Variants in SH2B2 observed in about 807,000 individuals in gnomAD.
SH2B2 encodes SH2B adaptor protein 2.
In SH2B2, 37 loss-of-function variants were observed where a neutral mutation model predicts 35.7. The ratio of observed to expected loss-of-function variants is 1.04; its 90% CI spans 0.80 to 1.36. SH2B2 has a LOEUF of 1.36. Ranked by LOEUF, SH2B2 falls within the 40% of genes most tolerant of loss-of-function variation. The pLI, the probability that SH2B2 is intolerant of heterozygous loss-of-function variation, is 0.00. For synonymous variants in SH2B2, 383 were observed against 376.4 expected (o/e 1.02, Z -0.20); for missense variants, 852 against 817.7 (o/e 1.04, Z -0.51).
At chr7:102,314,208 G>A (rs1793729274) in intron 4 of SH2B2, 128 bp from the exon 5 acceptor site, 2 of 397,612 alleles carry the variant, frequency 5.0e-6, no homozygotes, top group Admixed American at 4.4e-5. Flanking sequence ...GCAGAGGGAG[G>A]TGACCAGAGC....
chr7:102,313,935 G>T lies in SH2B2; in HGVS notation c.924-401G>T, dbSNP rs937654511. ...CAAAAAAAAAAAAAGAATATTTTTAGGTTTTATGACTACGTTTTGGGAAAA... is the reference window on the plus strand; with the variant it reads ...CAAAAAAAAAAAAAGAATATTTTTATGTTTTATGACTACGTTTTGGGAAAA... On this transcript the variant is annotated intron_variant, in intron 4 of 8. Transcript: ENST00000444095. Among the ~76,000 whole-genome samples the T allele has an allele frequency of 3.3e-5, 5 of 152,174 alleles. No homozygotes were observed. The South Asian group carries it at 1.0e-3, about 32-fold the overall frequency.
intron 1 of SH2B2, among the ~76,000 whole-genome samples, chr7:102,288,199 G>C (rs1464461774): frequency 6.6e-6 from 1 of 152,038 alleles, no homozygotes; most frequent in Non-Finnish European, 1.5e-5. Context: ...CCCCACTACT[G>C]TGTCCCACCT....
At chr7:102,315,576 T>C (rs781810014) in intron 6 of SH2B2, among the ~76,000 whole-genome samples, 1 of 151,600 alleles carries the variant, frequency 6.6e-6, no homozygotes, top group Admixed American at 6.6e-5. Context: ...GCTGGAATTA[T>C]AGGTGTGAGC....
chr7:102,320,253 T>C, intron 7 of SH2B2, 78 bp from the exon 8 acceptor site: 1 of 1,242,440 alleles, frequency 8.0e-7, no homozygotes, highest in Non-Finnish European at 1.2e-6. Context: ...GCCTTGGTCC[T>C]TCCATCAACC....
intron 1 of SH2B2, among the ~76,000 whole-genome samples, chr7:102,294,563 G>A (rs1347801891): frequency 2.0e-4 from 31 of 152,322 alleles, no homozygotes; most frequent in Admixed American, 1.8e-3. Flanking sequence ...AGTGTGGTCA[G>A]TGTCACTCAC....
At chr7:102,295,131 G>A (rs1554552345) in intron 1 of SH2B2, among the ~76,000 whole-genome samples, 1 of 152,172 alleles carries the variant, frequency 6.6e-6, no homozygotes, top group East Asian at 1.9e-4. Flanking sequence ...GGTTCCTCCA[G>A]CCAGGAGGAA....
intron 1 of SH2B2, among the ~76,000 whole-genome samples, chr7:102,292,656 G>T (rs1188621328): frequency 0.85 from 129,969 of 152,092 alleles, 55,564 homozygotes; most frequent in East Asian, 0.93. Flanking sequence ...TATGTTCAAA[G>T]TGCAGTGCAC....
At chr7:102,315,589 C>T (rs530329103) in intron 6 of SH2B2, among the ~76,000 whole-genome samples, 1 of 151,764 alleles carries the variant, frequency 6.6e-6, no homozygotes, top group Admixed American at 6.6e-5. Flanking sequence ...GTGTGAGCCA[C>T]CACGCCTGGC....
In SH2B2 at chr7:102,320,410, G is replaced by C; in HGVS notation, c.1475G>C (p.Arg492Pro). 2 of 1,613,490 alleles carry C rather than the reference G, an allele frequency of 1.2e-6. No homozygotes were observed. The highest frequency in any genetic ancestry group is 1.7e-6 in the Non-Finnish European group (2 of 1,179,850). The change falls in exon 8 of 9, where the codon CGC becomes CCC. Residue 492 changes from arginine (R) to proline (P), a missense_variant. Physicochemically the swap from Arg to Pro is moderately radical, Grantham distance 103. Coordinates refer to ENST00000444095, the MANE Select transcript of SH2B2 (RefSeq NM_001359228.2). ...LWFQSVLDML[R>P]HFHTHPIPLE... is the part of the protein sequence containing the mutation. ...TTCCAGTCTGTGCTTGACATGCTCC[G>C]CCACTTCCACACACACCCCATCCCA...
chr7:102,311,463 C>T (rs1035453026), intron 4 of SH2B2, among the ~76,000 whole-genome samples: 2 of 151,706 alleles, frequency 1.3e-5, no homozygotes, highest in Non-Finnish European at 2.9e-5. Flanking sequence ...CCATGGTGGT[C>T]AGGCTCGTCT....
chr7:102,313,473 A>G (rs1390360859), intron 4 of SH2B2, among the ~76,000 whole-genome samples: 1 of 151,892 alleles, frequency 6.6e-6, no homozygotes, highest in Non-Finnish European at 1.5e-5. Context: ...AACAAAAAAG[A>G]TGGGGGTCTC....
At position 102,297,276 on chromosome 7, in the gene SH2B2, G is replaced by A. The variant is rs1054284014; in HGVS notation, c.-29-3246G>A. ...TTATTAGATCCAAAAAAAATGTAGC[G>A]GGCCAGGTGCAAGTGGCTCGTGCCT... is the stretch of plus-strand genomic sequence containing the variant. On this transcript the variant is annotated intron_variant, in intron 1 of 8. Transcript: ENST00000444095. The surrounding 1 kb of genome is among the most constrained non-coding windows in gnomAD (Gnocchi z 4.3). 1.3e-5 allele frequency among the ~76,000 whole-genome samples: 2 copies of A among 151,902 alleles called. No individual in the cohort carries two copies. Among genetic ancestry groups the A allele is most frequent in the African/African-American group, 2.4e-5 (1 of 41,330 alleles).
rs571827300 is a variant in SH2B2 at position 102,319,387 on chromosome 7, G to T, written c.1396-944G>T. On this transcript the variant is annotated intron_variant, in intron 7 of 8. Coordinates refer to ENST00000444095, the MANE Select transcript of SH2B2 (RefSeq NM_001359228.2). ...TTGTGGGACCGCCACCCCGCTCCAGGGATTGTCTGTATTTTTTTGTTTGTT... is the reference window on the plus strand; with the variant it reads ...TTGTGGGACCGCCACCCCGCTCCAGTGATTGTCTGTATTTTTTTGTTTGTT... Among the ~76,000 whole-genome samples, 5 of 152,232 alleles carry T rather than the reference G, an allele frequency of 3.3e-5. No individual in the cohort carries two copies. In the East Asian group the frequency reaches 9.7e-4, roughly 29 times the overall value.
At position 102,315,530 on chromosome 7, in the gene SH2B2, T is replaced by C. The variant is rs991380232; in HGVS notation, c.1186+848T>C. On this transcript the variant is annotated intron_variant, in intron 6 of 8. Coordinates refer to ENST00000444095, the MANE Select transcript of SH2B2 (RefSeq NM_001359228.2). ...TTTTGGTAGAGATGGGGTTTTGCCA[T>C]GTTGGCCAGGCTGATCTTGAACTCC... 2.0e-5 allele frequency among the ~76,000 whole-genome samples: 3 copies of C among 151,898 alleles called. No individual in the cohort carries two copies. The East Asian group carries it at 5.9e-4, about 30-fold the overall frequency.
chr7:102,306,095 T>G (rs1245496876), intron 2 of SH2B2, among the ~76,000 whole-genome samples: 1 of 151,904 alleles, frequency 6.6e-6, no homozygotes, highest in Non-Finnish European at 1.5e-5. Flanking sequence ...GTTTCGTTTT[T>G]TTTTCTGTGA....
At chr7:102,309,355 CTTTTTTTTTT>C in intron 4 of SH2B2, 1 of 183,136 alleles carries the variant, frequency 5.5e-6, no homozygotes, top group Admixed American at 8.1e-5. Context: ...CTCTCTCTCT[CTTTTTTTTTT>C]TTTTTTTTTT....
chr7:102,315,312 G>A (rs1367163189), intron 6 of SH2B2, among the ~76,000 whole-genome samples: 3 of 152,010 alleles, frequency 2.0e-5, no homozygotes, highest in African/African-American at 4.8e-5. Context: ...GACTAGCCTG[G>A]ACAACATAGC....
intron 2 of SH2B2, among the ~76,000 whole-genome samples, chr7:102,301,590 G>A (rs1026996031): frequency 6.0e-5 from 9 of 151,104 alleles, no homozygotes; most frequent in African/African-American, 2.0e-4. Flanking sequence ...GTGCGCGCGC[G>A]TGTGTGTGTG....
At chr7:102,315,554 C>T (rs1793792827) in intron 6 of SH2B2, among the ~76,000 whole-genome samples, 1 of 151,786 alleles carries the variant, frequency 6.6e-6, no homozygotes, top group East Asian at 2.0e-4. Flanking sequence ...ATCTTGAACT[C>T]CTGCCCTAAG....
Sources: gnomAD v4.1 joint callset for allele counts (sites outside exome capture counted in the v4.1 genomes callset) on GRCh38, gnomAD v4.1.1 for gene constraint, Gnocchi (gnomAD v3.1) non-coding constraint, MANE v1.5 for transcripts, NCBI Gene and HGNC (gene_info 2026-07-23, HGNC 2026-07-21) for gene names.